Variants in SLC39A10 observed in about 807,000 individuals in gnomAD.
The protein encoded by SLC39A10 is solute carrier family 39 member 10.
A neutral mutation model predicts 65.1 loss-of-function variants in SLC39A10; 13 were observed. The ratio of observed to expected loss-of-function variants is 0.20; its 90% CI spans 0.13 to 0.32. The LOEUF (loss-of-function observed/expected upper bound fraction) is 0.32. SLC39A10 is among the 10% of genes least tolerant of loss of function. The probability of loss-of-function intolerance (pLI) is 1.00; values close to 1 mark genes in which losing one functional copy is unlikely to be tolerated. For synonymous variants in SLC39A10, 321 were observed against 342.2 expected, an observed-to-expected ratio of 0.94 and a Z score of 0.68; for missense variants, 831 against 1,018.4, an observed-to-expected ratio of 0.82 and a Z score of 2.50.
Position 195,713,521 on chromosome 2 carries a change from A to G in SLC39A10, c.1664A>G (p.Asp555Gly). 1 of 1,578,664 alleles carries G rather than the reference A, an allele frequency of 6.3e-7. No homozygotes were observed. The highest frequency in any genetic ancestry group is 2.0e-5 in the Admixed American group (1 of 49,770). Residue 555 changes from aspartate (D) to glycine (G), a missense_variant, in exon 6 of 10, where the codon GAT (aspartate) becomes GGT (glycine). Asp to Gly is a moderately conservative substitution (Grantham distance 94). Coordinates refer to ENST00000359634, the MANE Select transcript of SLC39A10 (RefSeq NM_020342.3). Reference protein sequence around the residue: ...LSDHKLNNTPDSDWLQLKPLA... With the variant: ...LSDHKLNNTPGSDWLQLKPLA... ...GATCACAAGTTAAACAATACACCAG[A>G]TTCTGACTGGCTTCAACTCAAGCCT...
At chr2:195,662,606 GAAAC>G (rs1362286391) in intron 1 of SLC39A10, among the ~76,000 whole-genome samples, 2 of 152,106 alleles carry the variant, frequency 1.3e-5, no homozygotes, top group African/African-American at 4.8e-5. Flanking sequence ...TAAATAAAAA[GAAAC>G]AATTTCAGAT....
At chr2:195,668,375 C>T (rs369968295) in intron 1 of SLC39A10, among the ~76,000 whole-genome samples, 9 of 152,320 alleles carry the variant, frequency 5.9e-5, no homozygotes, top group African/African-American at 2.2e-4. Context: ...TAGATTTTCA[C>T]ATTAAGTTTA....
chr2:195,665,062 G>A (rs970384335), intron 1 of SLC39A10, among the ~76,000 whole-genome samples: 4 of 152,076 alleles, frequency 2.6e-5, no homozygotes, highest in Non-Finnish European at 4.4e-5. Context: ...GGTGGCTCAC[G>A]CCTGTAATCC....
At chr2:195,632,664 G>A (rs1688612884) in intron 2 of SLC39A10, among the ~76,000 whole-genome samples, 1 of 152,100 alleles carries the variant, frequency 6.6e-6, no homozygotes, top group Admixed American at 6.5e-5. Context: ...TACGATTCAT[G>A]GTTTCATCCA....
At chr2:195,669,513 T>C (rs1689765381) in intron 1 of SLC39A10, among the ~76,000 whole-genome samples, 1 of 152,242 alleles carries the variant, frequency 6.6e-6, no homozygotes, top group African/African-American at 2.4e-5. Context: ...ATTCTACATT[T>C]TTATTATGTT....
intron 3 of SLC39A10, among the ~76,000 whole-genome samples, chr2:195,705,845 G>A (rs1458594045): frequency 6.6e-6 from 1 of 152,104 alleles, no homozygotes; most frequent in Non-Finnish European, 1.5e-5. Flanking sequence ...TGTCTTACCT[G>A]TTTGTGAATG....
intron 4 of SLC39A10, among the ~76,000 whole-genome samples, chr2:195,707,154 G>A (rs1001165128): frequency 2.6e-5 from 4 of 152,152 alleles, no homozygotes; most frequent in Non-Finnish European, 1.5e-5. Flanking sequence ...ATCTTTGAGC[G>A]GGAGTAGGCA....
chr2:195,614,995 G>T (rs1311466561), intron 2 of SLC39A10, among the ~76,000 whole-genome samples: 1 of 152,124 alleles, frequency 6.6e-6, no homozygotes, highest in Non-Finnish European at 1.5e-5. Flanking sequence ...AAGCTACAGT[G>T]AGCCGTGATT....
chr2:195,687,943 A>T (rs750173587), intron 3 of SLC39A10, among the ~76,000 whole-genome samples: 3 of 152,170 alleles, frequency 2.0e-5, no homozygotes, highest in Non-Finnish European at 2.9e-5. Context: ...CATCTTGCAC[A>T]TGCTTTGAAC....
At chr2:195,658,980 C>G (rs186995250) in intron 1 of SLC39A10, among the ~76,000 whole-genome samples, 2 of 152,220 alleles carry the variant, frequency 1.3e-5, no homozygotes, top group African/African-American at 4.8e-5. Context: ...AATATGACAT[C>G]TATATTTTAG....
At chr2:195,630,006 G>T (rs1688552516) in intron 2 of SLC39A10, among the ~76,000 whole-genome samples, 1 of 152,020 alleles carries the variant, frequency 6.6e-6, no homozygotes, top group East Asian at 1.9e-4. Flanking sequence ...AAAGTGCTGG[G>T]ATTACAGGAA....
intron 7 of SLC39A10, 158 bp downstream of exon 7, chr2:195,717,163 G>C (rs1691845902): frequency 1.1e-6 from 1 of 912,952 alleles, no homozygotes; most frequent in African/African-American, 1.7e-5. Flanking sequence ...TACATTTGGA[G>C]GTGTAAGGGT....
chr2:195,623,327 C>T (rs1688389313), intron 2 of SLC39A10, among the ~76,000 whole-genome samples: 1 of 152,116 alleles, frequency 6.6e-6, no homozygotes, highest in Non-Finnish European at 1.5e-5. Context: ...AGTTTCCCTC[C>T]TAAGTGTAAG....
intron 8 of SLC39A10, among the ~76,000 whole-genome samples, chr2:195,727,222 T>C (rs1692275210): frequency 6.6e-6 from 1 of 152,146 alleles, no homozygotes; most frequent in South Asian, 2.1e-4. Context: ...GGAGAGTCCA[T>C]TGAGGATCCT....
chr2:195,632,927 A>G (rs933894127), intron 2 of SLC39A10, among the ~76,000 whole-genome samples: 1 of 152,152 alleles, frequency 6.6e-6, no homozygotes, highest in African/African-American at 2.4e-5. Flanking sequence ...AGAGATTGTT[A>G]TTTTCCTAAA....
intron 8 of SLC39A10, among the ~76,000 whole-genome samples, chr2:195,722,929 C>A (rs979770257): frequency 6.6e-6 from 1 of 152,136 alleles, no homozygotes; most frequent in African/African-American, 2.4e-5. Flanking sequence ...CCTTTCTGAA[C>A]AGATTGCTGT....
intron 2 of SLC39A10, among the ~76,000 whole-genome samples, chr2:195,631,314 A>G (rs1688581378): frequency 6.6e-6 from 1 of 152,038 alleles, no homozygotes; most frequent in Non-Finnish European, 1.5e-5. Context: ...CCCTCAAAAT[A>G]CAGTATTACT....
chr2:195,695,224 G>C (rs1390368573), intron 3 of SLC39A10, among the ~76,000 whole-genome samples: 1 of 152,220 alleles, frequency 6.6e-6, no homozygotes, highest in African/African-American at 2.4e-5. Flanking sequence ...ACCAGGTTGG[G>C]GTAGAGATAG....
intron 1 of SLC39A10, among the ~76,000 whole-genome samples, chr2:195,666,307 G>A (rs7562020): frequency 6.6e-6 from 1 of 151,906 alleles, no homozygotes; most frequent in Admixed American, 6.6e-5. Context: ...TGGAAAAGAA[G>A]GATCATTTTA....
Sources: gnomAD v4.1 joint callset for allele counts (sites outside exome capture counted in the v4.1 genomes callset) on GRCh38, gnomAD v4.1.1 for gene constraint, MANE v1.5 for transcripts, NCBI Gene and HGNC (gene_info 2026-07-23, HGNC 2026-07-21) for gene names.